The following C16orf74 variants were observed in gnomAD, a reference collection of about 807,000 sequenced individuals.
C16orf74 encodes the protein calcimembrin.
C16orf74 carries 10 observed loss-of-function variants against 6.5 expected under a neutral mutation model. The ratio of observed to expected loss-of-function variants is 1.54; its 90% CI spans 0.95 to 2.61. The LOEUF is 2.61. C16orf74 is among the 30% of genes most tolerant of loss of function. The pLI is 0.00. For synonymous variants in C16orf74, 60 were observed against 42.5 expected (o/e 1.41, Z -1.60); for missense variants, 141 against 105.9 (o/e 1.33, Z -1.45).
intron 2 of C16orf74, among the ~76,000 whole-genome samples, chr16:85,714,204 A>C (rs951650128): frequency 1.1e-4 from 17 of 152,136 alleles, no homozygotes; most frequent in Admixed American, 7.9e-4. Flanking sequence ...TCCCTGGGAC[A>C]CACGGCTGGT....
chr16:85,749,876 C>A (rs1265194766), intron 1 of C16orf74, among the ~76,000 whole-genome samples: 1 of 152,218 alleles, frequency 6.6e-6, no homozygotes, highest in Non-Finnish European at 1.5e-5. Context: ...CTCCTTGGGG[C>A]TGGTGAGGGA....
At chr16:85,745,242 T>G (rs529659248) in intron 1 of C16orf74, among the ~76,000 whole-genome samples, 8 of 151,166 alleles carry the variant, frequency 5.3e-5, no homozygotes, top group African/African-American at 1.9e-4. Flanking sequence ...AAAAACTGAC[T>G]TCCTCGGCAG....
At position 85,717,623 on chromosome 16, in the gene C16orf74, G is replaced by A. The variant is rs536278953; in HGVS notation, c.29-7316C>T. Among the ~76,000 whole-genome samples, 36 of 152,280 alleles carry A rather than the reference G, an allele frequency of 2.4e-4. 1 individual carries two copies. The South Asian group carries it at 7.3e-3, about 31-fold the overall frequency. ...GGGTGCCGTGCCGCCTCTCCGCTGA[G>A]ACCACTACTTCCAAAGCATCCGGAG... On this transcript the variant is annotated intron_variant, in intron 2 of 3. Coordinates refer to ENST00000284245, the MANE Select transcript of C16orf74 (RefSeq NM_206967.3).
chr16:85,727,588 T>C (rs755554021), intron 2 of C16orf74, among the ~76,000 whole-genome samples: 2 of 146,616 alleles, frequency 1.4e-5, no homozygotes, highest in Non-Finnish European at 3.0e-5. Context: ...GGCAGGAGGA[T>C]AGCTTGAGCC....
chr16:85,733,467 G>A (rs569697037), intron 2 of C16orf74, among the ~76,000 whole-genome samples: 21 of 152,310 alleles, frequency 1.4e-4, no homozygotes, highest in Admixed American at 3.3e-4. Context: ...TTCTGAAGAC[G>A]GGTGGGGTGA....
At chr16:85,715,603 C>CGGCAGCCTGAAAGCAGCCGTAGACAACGT (rs2054015408) in intron 2 of C16orf74, among the ~76,000 whole-genome samples, 1 of 152,196 alleles carries the variant, frequency 6.6e-6, no homozygotes, top group Non-Finnish European at 1.5e-5. Context: ...AGCTTTGCCA[C>CGGCAGCCTGAAAGCAGCCGTAGACAACGT]GGCAGCCTGA....
At chr16:85,743,436 A>G (rs1405260726) in intron 1 of C16orf74, 2 of 152,176 alleles carry the variant, frequency 1.3e-5, no homozygotes, top group African/African-American at 4.8e-5. Flanking sequence ...CTGTTTTATA[A>G]ATGAGGAGCT....
intron 1 of C16orf74, among the ~76,000 whole-genome samples, chr16:85,742,587 G>C (rs1285290076): frequency 6.6e-6 from 1 of 152,034 alleles, no homozygotes; most frequent in Admixed American, 6.5e-5. Flanking sequence ...TTTTGCCCAG[G>C]CTAGACTGCA....
intron 2 of C16orf74, among the ~76,000 whole-genome samples, chr16:85,722,683 G>A (rs922003579): frequency 1.1e-4 from 16 of 152,076 alleles, no homozygotes; most frequent in Admixed American, 2.0e-4. Flanking sequence ...TTTGGGACCC[G>A]GCCTATGTTG....
chr16:85,718,502 G>T (rs965066816), intron 2 of C16orf74, among the ~76,000 whole-genome samples: 2 of 152,216 alleles, frequency 1.3e-5, no homozygotes, highest in Non-Finnish European at 2.9e-5. Context: ...CGATGCGATG[G>T]ACGGCCAGAC....
intron 3 of C16orf74, among the ~76,000 whole-genome samples, chr16:85,709,400 C>T (rs1024644064): frequency 6.6e-6 from 1 of 152,054 alleles, no homozygotes; most frequent in African/African-American, 2.4e-5. Context: ...GAAATCTGTA[C>T]TTAACTCTGA....
At chr16:85,724,883 TGAG>T (rs1393143195) in intron 2 of C16orf74, among the ~76,000 whole-genome samples, 4 of 152,094 alleles carry the variant, frequency 2.6e-5, no homozygotes, top group Non-Finnish European at 4.4e-5. Context: ...TCCAGGAGTG[TGAG>T]GAGGAGAACA....
intron 1 of C16orf74, among the ~76,000 whole-genome samples, chr16:85,737,917 G>T (rs907750222): frequency 6.6e-6 from 1 of 150,478 alleles, no homozygotes; most frequent in African/African-American, 2.4e-5. Flanking sequence ...GTGGCCTAAC[G>T]CAAATTTGTA....
intron 2 of C16orf74, chr16:85,710,714 C>G (rs990978619): frequency 6.0e-6 from 1 of 166,810 alleles, no homozygotes; most frequent in Non-Finnish European, 1.3e-5. Flanking sequence ...GGGGCCCCTT[C>G]GTGCCTTTGC....
intron 1 of C16orf74, among the ~76,000 whole-genome samples, chr16:85,744,518 T>A (rs2054347671): frequency 6.6e-6 from 1 of 152,156 alleles, no homozygotes; most frequent in African/African-American, 2.4e-5. Flanking sequence ...GGTTCTTTCT[T>A]GCACCCAGGC....
At chr16:85,740,211 C>CAAAAAA (rs1314457386) in intron 1 of C16orf74, among the ~76,000 whole-genome samples, 17 of 60,112 alleles carry the variant, frequency 2.8e-4, no homozygotes, top group Middle Eastern at 0.019. Context: ...GACTTTGTCT[C>CAAAAAA]AAAAAAAAAA....
intron 2 of C16orf74, among the ~76,000 whole-genome samples, chr16:85,713,523 T>C (rs1241134033): frequency 6.6e-6 from 1 of 152,216 alleles, no homozygotes; most frequent in Non-Finnish European, 1.5e-5. Flanking sequence ...TCTGCCCACC[T>C]TGGCCTCCCA....
intron 2 of C16orf74, among the ~76,000 whole-genome samples, chr16:85,711,103 C>T (rs1014502015): frequency 6.6e-5 from 10 of 152,042 alleles, no homozygotes; most frequent in Non-Finnish European, 1.5e-4. Flanking sequence ...CACTTGAGGT[C>T]AGGAGTTCAA....
intron 2 of C16orf74, among the ~76,000 whole-genome samples, chr16:85,718,115 G>A (rs932043262): frequency 2.6e-5 from 4 of 152,264 alleles, no homozygotes; most frequent in East Asian, 3.9e-4. Context: ...GATTTTTTGA[G>A]ACAGGGTCTC....
Sources: gnomAD v4.1 joint callset for allele counts (sites outside exome capture counted in the v4.1 genomes callset) on GRCh38, gnomAD v4.1.1 for gene constraint, MANE v1.5 for transcripts, NCBI Gene and HGNC (gene_info 2026-07-23, HGNC 2026-07-21) for gene names.